Variants in GABRB1 observed in about 807,000 individuals in gnomAD.
GABRB1 encodes gamma-aminobutyric acid receptor subunit beta-1.
Under a neutral mutation model 51.6 loss-of-function variants are expected in GABRB1, and 17 were observed. The ratio of observed to expected loss-of-function variants is 0.33; its 90% CI spans 0.23 to 0.49. GABRB1 has a LOEUF of 0.49. Among genes scored for constraint, GABRB1 ranks in the 20% least tolerant of loss-of-function variants. GABRB1 has a pLI of 0.99. For synonymous variants in GABRB1, 247 were observed against 218.9 expected, an observed-to-expected ratio of 1.13 and a Z score of -1.14; for missense variants, 410 against 600.6, an observed-to-expected ratio of 0.68 and a Z score of 3.32.
At chr4:47,283,134 T>C (rs1222530429) in intron 4 of GABRB1, among the ~76,000 whole-genome samples, 1 of 152,028 alleles carries the variant, frequency 6.6e-6, no homozygotes, top group Non-Finnish European at 1.5e-5. Context: ...GAGGCAAAAG[T>C]GGAGAAACTA....
chr4:47,266,270 T>A lies in GABRB1; in HGVS notation c.462-53857T>A, dbSNP rs140470041. On this transcript the variant is annotated intron_variant, in intron 4 of 8. Transcript: ENST00000295454. ...GTAGCTCTGTAGCATTACTTCTGGG[T>A]TCTCTATTCTGTTCTATAATTTTAT... 5.4e-3 allele frequency among the ~76,000 whole-genome samples: 827 copies of A among 152,210 alleles called. 9 individuals carry two copies. The highest frequency in any genetic ancestry group is 0.018 in the African/African-American group (764 of 41,562).
chr4:47,361,265 T>G (rs760968639), intron 5 of GABRB1, among the ~76,000 whole-genome samples: 4 of 152,080 alleles, frequency 2.6e-5, no homozygotes, highest in Non-Finnish European at 5.9e-5. Context: ...TCTGGGGACT[T>G]AAGGAAAGCG....
intron 4 of GABRB1, among the ~76,000 whole-genome samples, chr4:47,272,103 A>G (rs999764622): frequency 6.6e-6 from 1 of 152,228 alleles, no homozygotes; most frequent in African/African-American, 2.4e-5. Flanking sequence ...AGTTAGTTCT[A>G]TAGGATTTAG....
intron 4 of GABRB1, among the ~76,000 whole-genome samples, chr4:47,179,424 A>G (rs1211980257): frequency 6.6e-6 from 1 of 152,208 alleles, no homozygotes; most frequent in African/African-American, 2.4e-5. Context: ...CAGCAATCCC[A>G]TTACTGGTTA....
intron 1 of GABRB1, among the ~76,000 whole-genome samples, chr4:46,994,994 G>T (rs1723941592): frequency 6.6e-6 from 1 of 152,260 alleles, no homozygotes; most frequent in East Asian, 1.9e-4. Flanking sequence ...AGAGCTCCGT[G>T]CTCTGTATTC....
Position 47,350,218 on chromosome 4 carries a change from T to TATAG in GABRB1, c.544+30010_544+30011insTAGA, listed in dbSNP as rs750199965. On this transcript the variant is annotated intron_variant, in intron 5 of 8. Transcript: ENST00000295454. Reference sequence around the variant, plus strand: ...ATATATATATATATATATATATATATAGAGAGAGAGAGAGAGAGAGAGAGA... The same window carrying TATAG: ...ATATATATATATATATATATATATATATAGAGAGAGAGAGAGAGAGAGAGAGAGA... Among the ~76,000 whole-genome samples the TATAG allele has an allele frequency of 4.2e-3, 238 of 56,616 alleles. 2 individuals carry two copies. The highest frequency in any genetic ancestry group is 6.0e-3 in the South Asian group (7 of 1,172). 37.1% of individuals were successfully genotyped at this position (56,616 alleles called of 152,430 possible).
rs138805235 is a variant in GABRB1, at chr4:47,399,634, A to G, written c.545-3684A>G. Among the ~76,000 whole-genome samples the G allele has an allele frequency of 3.0e-3, 450 of 152,280 alleles. 1 individual carries two copies. The highest frequency in any genetic ancestry group is 4.6e-3 in the Non-Finnish European group (312 of 67,998). Reference sequence around the variant, plus strand: ...CTGTTTGATTAGAGTCTTCTGTAGAAGAGTTTCCTCATGCAGGTACCTAGA... The same window carrying G: ...CTGTTTGATTAGAGTCTTCTGTAGAGGAGTTTCCTCATGCAGGTACCTAGA... On this transcript the variant is annotated intron_variant, in intron 5 of 8. Transcript: ENST00000295454.
At chr4:47,108,046 C>T (rs1560537811) in intron 3 of GABRB1, among the ~76,000 whole-genome samples, 1 of 152,060 alleles carries the variant, frequency 6.6e-6, no homozygotes, top group Non-Finnish European at 1.5e-5. Flanking sequence ...CCTCTCATTT[C>T]CAATTTAAAT....
chr4:47,066,401 A>C (rs1371820868), intron 3 of GABRB1, among the ~76,000 whole-genome samples: 8 of 152,192 alleles, frequency 5.3e-5, no homozygotes, highest in African/African-American at 1.9e-4. Flanking sequence ...TTCTTTCATG[A>C]AAGACTTCTC....
chr4:47,108,650 G>T (rs1414367767), intron 3 of GABRB1, among the ~76,000 whole-genome samples: 2 of 152,006 alleles, frequency 1.3e-5, no homozygotes, highest in African/African-American at 4.8e-5. Context: ...ATAATTACAT[G>T]TTATAATAAT....
At chr4:47,221,361 C>T (rs981124135) in intron 4 of GABRB1, among the ~76,000 whole-genome samples, 1 of 151,952 alleles carries the variant, frequency 6.6e-6, no homozygotes, top group Non-Finnish European at 1.5e-5. Context: ...TATCCCCATT[C>T]TAAGCACCTA....
At chr4:47,279,105 TGG>T (rs1285150885) in intron 4 of GABRB1, among the ~76,000 whole-genome samples, 2 of 151,718 alleles carry the variant, frequency 1.3e-5, no homozygotes, top group Non-Finnish European at 2.9e-5. Context: ...GATGGATGGA[TGG>T]ATGGATGGAT....
intron 3 of GABRB1, among the ~76,000 whole-genome samples, chr4:47,092,790 T>G (rs1164635401): frequency 3.3e-5 from 5 of 151,966 alleles, no homozygotes; most frequent in Non-Finnish European, 5.9e-5. Flanking sequence ...TTTTTTGTGT[T>G]TTTTAGTAGA....
At chr4:47,229,012 C>T (rs1349077675) in intron 4 of GABRB1, among the ~76,000 whole-genome samples, 1 of 152,116 alleles carries the variant, frequency 6.6e-6, no homozygotes, top group Non-Finnish European at 1.5e-5. Flanking sequence ...TGTGCTGGGG[C>T]ATTGGGTATT....
chr4:47,316,882 G>T (rs1348108457), intron 4 of GABRB1, among the ~76,000 whole-genome samples: 2 of 151,868 alleles, frequency 1.3e-5, no homozygotes, highest in African/African-American at 4.8e-5. Context: ...AAATAAATTG[G>T]TAATGACAGA....
chr4:47,248,931 A>C (rs1308844567), intron 4 of GABRB1, among the ~76,000 whole-genome samples: 2 of 151,836 alleles, frequency 1.3e-5, no homozygotes, highest in African/African-American at 4.8e-5. Flanking sequence ...TGGTCTATCA[A>C]TTTTATTTCT....
chr4:47,225,191 T>C (rs1350920138), intron 4 of GABRB1, among the ~76,000 whole-genome samples: 3 of 151,986 alleles, frequency 2.0e-5, no homozygotes, highest in Non-Finnish European at 4.4e-5. Context: ...CACTGCATAA[T>C]GTTGGAGTGT....
At chr4:47,175,948 T>C (rs1000332099) in intron 4 of GABRB1, among the ~76,000 whole-genome samples, 2 of 152,092 alleles carry the variant, frequency 1.3e-5, no homozygotes, top group Admixed American at 6.6e-5. Flanking sequence ...TAAGTAAGAG[T>C]AGAAAAATAA....
chr4:47,375,116 T>C (rs1317127513), intron 5 of GABRB1, among the ~76,000 whole-genome samples: 1 of 152,238 alleles, frequency 6.6e-6, no homozygotes, highest in African/African-American at 2.4e-5. Flanking sequence ...ATTAGTCTTT[T>C]AGGGATTTCT....
Sources: allele counts gnomAD v4.1 joint callset (sites outside exome capture counted in the v4.1 genomes callset), GRCh38; gene constraint gnomAD v4.1.1; transcripts MANE v1.5; gene names NCBI Gene and HGNC (gene_info 2026-07-23, HGNC 2026-07-21).